AUTS2: variants seen among roughly 807,000 people sequenced by gnomAD.
AUTS2 encodes the protein activator of transcription and developmental regulator AUTS2.
A neutral mutation model predicts 112.4 loss-of-function variants in AUTS2; 17 were observed. That is an observed-to-expected ratio of 0.15 (90% confidence interval 0.10 to 0.23). AUTS2 has a LOEUF of 0.23. Among genes scored for constraint, AUTS2 ranks in the 10% least tolerant of loss-of-function variants. The probability of loss-of-function intolerance (pLI) is 1.00; values close to 1 mark genes in which losing one functional copy is unlikely to be tolerated. For synonymous variants in AUTS2, 751 were observed against 702.7 expected (o/e 1.07, Z -1.09); for missense variants, 1,510 against 1,701.6 (o/e 0.89, Z 1.98).
intron 2 of AUTS2, among the ~76,000 whole-genome samples, chr7:70,084,127 G>A (rs761691207): frequency 1.1e-4 from 17 of 151,932 alleles, no homozygotes; most frequent in Non-Finnish European, 7.4e-5. Context: ...TCACTATAAA[G>A]TTGTATACAT....
chr7:70,714,318 G>A (rs1443347465), intron 6 of AUTS2, among the ~76,000 whole-genome samples: 5 of 152,110 alleles, frequency 3.3e-5, no homozygotes, highest in East Asian at 1.9e-4. Context: ...TGGATAGGGC[G>A]ATGTCCACCT....
chr7:69,647,087 C>CAAACA (rs1362046105), intron 1 of AUTS2, among the ~76,000 whole-genome samples: 1 of 152,114 alleles, frequency 6.6e-6, no homozygotes, highest in Non-Finnish European at 1.5e-5. Context: ...GACTCTGTCT[C>CAAACA]AAACAAAACA....
chr7:70,758,086 G>A (rs944300382), intron 6 of AUTS2, among the ~76,000 whole-genome samples: 7 of 151,884 alleles, frequency 4.6e-5, no homozygotes, highest in South Asian at 4.1e-4. Context: ...CCAGCCACAC[G>A]GCTTCTTTGT....
chr7:69,854,490 G>A (rs1323750759), intron 1 of AUTS2, among the ~76,000 whole-genome samples: 2 of 152,100 alleles, frequency 1.3e-5, no homozygotes, highest in Non-Finnish European at 2.9e-5. Context: ...TTGCTTCAAT[G>A]AAAGGTAAAA....
intron 1 of AUTS2, among the ~76,000 whole-genome samples, chr7:69,898,179 T>C (rs1428475037): frequency 6.6e-6 from 1 of 152,128 alleles, no homozygotes; most frequent in East Asian, 1.9e-4. Context: ...GTCATAAATA[T>C]ATATGCCGAC....
At chr7:70,656,394 A>G (rs1021131324) in intron 5 of AUTS2, among the ~76,000 whole-genome samples, 2 of 152,078 alleles carry the variant, frequency 1.3e-5, no homozygotes, top group South Asian at 2.1e-4. Context: ...GGTCTAAACT[A>G]TTGGCTCTTA....
intron 4 of AUTS2, among the ~76,000 whole-genome samples, chr7:70,275,541 T>TA (rs1005562669): frequency 8.6e-5 from 13 of 151,690 alleles, no homozygotes; most frequent in Admixed American, 2.6e-4. Flanking sequence ...GTTAGAATGG[T>TA]AAAAAAAAAT....
chr7:69,945,905 T>G (rs1053319157), intron 2 of AUTS2, among the ~76,000 whole-genome samples: 1 of 152,184 alleles, frequency 6.6e-6, no homozygotes, highest in African/African-American at 2.4e-5. Flanking sequence ...TGGAGTGCTG[T>G]GGCTCACGGC....
At chr7:70,563,746 G>A (rs201654015) in intron 5 of AUTS2, among the ~76,000 whole-genome samples, 6 of 152,290 alleles carry the variant, frequency 3.9e-5, no homozygotes, top group African/African-American at 7.2e-5. Context: ...ATTCACTCTC[G>A]TAATTACAGT....
chr7:69,876,496 A>G (rs1170085300), intron 1 of AUTS2, among the ~76,000 whole-genome samples: 4,178 of 8,284 alleles, frequency 0.5, 537 homozygotes, highest in South Asian at 0.56. Context: ...ATATATATAT[A>G]TATATATATA....
intron 5 of AUTS2, among the ~76,000 whole-genome samples, chr7:70,478,831 A>G (rs893519391): frequency 6.6e-6 from 1 of 152,108 alleles, no homozygotes; most frequent in Admixed American, 6.6e-5. Flanking sequence ...TAAGATCATC[A>G]TAAATGATTG....
intron 4 of AUTS2, among the ~76,000 whole-genome samples, chr7:70,310,840 G>A (rs187606219): frequency 6.6e-6 from 1 of 152,060 alleles, no homozygotes; most frequent in African/African-American, 2.4e-5. Flanking sequence ...TTTTCCCTTA[G>A]AATACTTGTC....
intron 2 of AUTS2, among the ~76,000 whole-genome samples, chr7:70,076,713 C>CT (rs1803052580): frequency 6.6e-6 from 1 of 152,050 alleles, no homozygotes. Context: ...AGTAAGATCC[C>CT]AAAAGGCCTT....
chr7:69,844,517 CAG>C (rs1443294683), intron 1 of AUTS2, among the ~76,000 whole-genome samples: 2 of 152,062 alleles, frequency 1.3e-5, no homozygotes, highest in African/African-American at 2.4e-5. Context: ...GGAAACATGA[CAG>C]ACACTGGAAA....
At chr7:70,157,301 A>T (rs1807833380) in intron 4 of AUTS2, among the ~76,000 whole-genome samples, 1 of 151,340 alleles carries the variant, frequency 6.6e-6, no homozygotes, top group South Asian at 2.1e-4. Context: ...TGTTCATGAG[A>T]CAGGTCTTGC....
At chr7:70,608,396 C>T (rs1414865073) in intron 5 of AUTS2, among the ~76,000 whole-genome samples, 1 of 152,172 alleles carries the variant, frequency 6.6e-6, no homozygotes, top group Admixed American at 6.6e-5. Context: ...TGAGTCACTG[C>T]ATCCAGCCCA....
chr7:69,734,937 C>T (rs73170852), intron 1 of AUTS2, among the ~76,000 whole-genome samples: 12,146 of 152,196 alleles, frequency 0.08, 679 homozygotes, highest in African/African-American at 0.15. Flanking sequence ...TATTAAAAAA[C>T]AAATTTCAGA....
At chr7:70,433,072 G>A (rs1795743342) in intron 4 of AUTS2, among the ~76,000 whole-genome samples, 1 of 152,162 alleles carries the variant, frequency 6.6e-6, no homozygotes, top group Admixed American at 6.5e-5. Flanking sequence ...GCTTAACTCT[G>A]GAGACAAGGT....
chr7:69,634,128 T>A (rs117864764), intron 1 of AUTS2, among the ~76,000 whole-genome samples: 2,249 of 152,064 alleles, frequency 0.015, 23 homozygotes, highest in Middle Eastern at 0.037. Context: ...GATTATTATT[T>A]TTTTTTTTTG....
Sources: allele counts gnomAD v4.1 joint callset (sites outside exome capture counted in the v4.1 genomes callset), GRCh38; gene constraint gnomAD v4.1.1; transcripts MANE v1.5; gene names NCBI Gene and HGNC (gene_info 2026-07-23, HGNC 2026-07-21).